The following ANO3 variants were observed in gnomAD, a reference collection of about 807,000 sequenced individuals.
The protein encoded by ANO3 is anoctamin-3.
In ANO3, 99 loss-of-function variants were observed where a neutral mutation model predicts 144.8. The ratio of observed to expected loss-of-function variants is 0.68; its 90% confidence interval spans 0.58 to 0.81. ANO3 has a LOEUF of 0.81. ANO3 is among the 30% of genes least tolerant of loss of function. The pLI is 0.00. For synonymous variants in ANO3, 414 were observed against 392.6 expected (o/e 1.05, Z -0.64); for missense variants, 905 against 1,202.2 (o/e 0.75, Z 3.66).
At chr11:26,374,202 GTTTC>G (rs939523870) in intron 1 of ANO3, among the ~76,000 whole-genome samples, 7 of 152,090 alleles carry the variant, frequency 4.6e-5, no homozygotes, top group Non-Finnish European at 5.9e-5. Context: ...GGTATTCTCA[GTTTC>G]TTTCTCATTT....
chr11:26,513,214 G>A (rs1219755130), intron 5 of ANO3, among the ~76,000 whole-genome samples: 1 of 152,176 alleles, frequency 6.6e-6, no homozygotes, highest in Non-Finnish European at 1.5e-5. Context: ...GGCTGTGTAA[G>A]TCATTGAAGA....
chr11:26,266,184 C>T (rs2133831598), intron 1 of ANO3, among the ~76,000 whole-genome samples: 1 of 152,136 alleles, frequency 6.6e-6, no homozygotes, highest in African/African-American at 2.4e-5. Context: ...AAGTTGCTTT[C>T]CTTAGAAATT....
At chr11:26,261,414 G>A (rs1038226032) in intron 1 of ANO3, among the ~76,000 whole-genome samples, 5 of 152,026 alleles carry the variant, frequency 3.3e-5, no homozygotes, top group East Asian at 1.9e-4. Context: ...AAACATATCC[G>A]GAGAGGCTAA....
chr11:26,476,508 G>C (rs1306081826), intron 4 of ANO3, among the ~76,000 whole-genome samples: 1 of 152,086 alleles, frequency 6.6e-6, no homozygotes, highest in Non-Finnish European at 1.5e-5. Flanking sequence ...CACAAGGATG[G>C]CCAAGAGGAG....
At chr11:26,375,943 A>G (rs1247631151) in intron 1 of ANO3, among the ~76,000 whole-genome samples, 1 of 152,198 alleles carries the variant, frequency 6.6e-6, no homozygotes, top group Non-Finnish European at 1.5e-5. Flanking sequence ...TGACAGGAGA[A>G]TGAAGTTTTT....
At chr11:26,560,543 C>T (rs1850247795) in intron 14 of ANO3, 1 of 152,872 alleles carries the variant, frequency 6.5e-6, no homozygotes, top group Non-Finnish European at 1.5e-5. Context: ...ACAGGTCTGT[C>T]ATTTCTATTG....
chr11:26,342,172 G>A (rs1326085424), intron 1 of ANO3, among the ~76,000 whole-genome samples: 1 of 152,128 alleles, frequency 6.6e-6, no homozygotes, highest in Non-Finnish European at 1.5e-5. Context: ...TGGAGCTAAG[G>A]TACCTATCTT....
intron 3 of ANO3, among the ~76,000 whole-genome samples, chr11:26,446,989 T>C (rs1858723691): frequency 6.6e-6 from 1 of 152,042 alleles, no homozygotes; most frequent in Non-Finnish European, 1.5e-5. Context: ...GCAGGAGGAC[T>C]GCTTAAGCCC....
At chr11:26,315,749 C>T (rs1854612722) in intron 1 of ANO3, among the ~76,000 whole-genome samples, 1 of 151,918 alleles carries the variant, frequency 6.6e-6, no homozygotes, top group Non-Finnish European at 1.5e-5. Context: ...AGCTATCTCA[C>T]TTTAGAATAT....
chr11:26,655,081 C>T (rs1853644896), intron 24 of ANO3, among the ~76,000 whole-genome samples: 1 of 152,126 alleles, frequency 6.6e-6, no homozygotes, highest in African/African-American at 2.4e-5. Flanking sequence ...AGGCCTTTTT[C>T]TCTTAAGTGC....
At chr11:26,313,802 C>T (rs930176061) in intron 1 of ANO3, among the ~76,000 whole-genome samples, 1 of 150,914 alleles carries the variant, frequency 6.6e-6, no homozygotes, top group Admixed American at 6.6e-5. Context: ...TTGTTAAATG[C>T]TATGTAAATG....
chr11:26,331,988 C>G, upstream of ANO3: 1 of 743,334 alleles, frequency 1.3e-6, no homozygotes, highest in Non-Finnish European at 2.1e-6. Flanking sequence ...TCCCAGCCAA[C>G]CCCGCTCAAC....
At chr11:26,525,377 T>G (rs1384564497) in intron 6 of ANO3, among the ~76,000 whole-genome samples, 1 of 151,080 alleles carries the variant, frequency 6.6e-6, no homozygotes, top group African/African-American at 2.5e-5. Flanking sequence ...TAAATAGAAT[T>G]AAAAATAATT....
At chr11:26,495,079 A>ATTTATTTG (rs1860876581) in intron 4 of ANO3, among the ~76,000 whole-genome samples, 1 of 18,854 alleles carries the variant, frequency 5.3e-5, no homozygotes, top group Admixed American at 6.0e-4. Context: ...ATCTACATTT[A>ATTTATTTG]TTTATTTATT....
At chr11:26,309,509 C>T (rs1854459428), upstream of ANO3, 1 of 237,270 alleles carries the variant, frequency 4.2e-6, no homozygotes, top group East Asian at 1.8e-4. Context: ...CTAATTTGGC[C>T]TATATCAGAT....
Position 26,567,555 on chromosome 11 carries a change from A to G in ANO3, c.1447+7776A>G, listed in dbSNP as rs545094661. The stretch of plus-strand genomic sequence containing the variant: ...TTCTCACATGTGGTACAACGTAAAT[A>G]TATCTATAATATATGTTAGTTATCT... On this transcript the variant is annotated intron_variant, in intron 14 of 26. Transcript: ENST00000256737. 7.2e-5 allele frequency among the ~76,000 whole-genome samples: 11 copies of G among 152,120 alleles called. No homozygotes were observed. The South Asian group carries it at 2.1e-3, about 29-fold the overall frequency.
chr11:26,385,690 T>C (rs1206173608), intron 1 of ANO3, among the ~76,000 whole-genome samples: 2 of 152,018 alleles, frequency 1.3e-5, no homozygotes, highest in Non-Finnish European at 2.9e-5. Context: ...TCCATATTCC[T>C]CTTCACATCT....
chr11:26,647,622 G>C (rs1853390402), intron 23 of ANO3, 87 bp from the exon 24 acceptor site: 1 of 1,329,846 alleles, frequency 7.5e-7, no homozygotes, highest in East Asian at 2.3e-5. Context: ...TCCAACATAA[G>C]TAAAACATTA....
intron 1 of ANO3, among the ~76,000 whole-genome samples, chr11:26,298,170 C>T (rs1269451797): frequency 1.3e-5 from 2 of 152,134 alleles, no homozygotes; most frequent in Admixed American, 1.3e-4. Flanking sequence ...GAAAATAGGA[C>T]TTAGATATGT....
Sources: gnomAD v4.1 joint callset for allele counts (sites outside exome capture counted in the v4.1 genomes callset) on GRCh38, gnomAD v4.1.1 for gene constraint, MANE v1.5 for transcripts, NCBI Gene and HGNC (gene_info 2026-07-23, HGNC 2026-07-21) for gene names.